Variants in MCUB observed in about 807,000 individuals in gnomAD.
MCUB encodes mitochondrial calcium uniporter dominant negative subunit beta, also known as calcium uniporter regulatory subunit MCUb, mitochondrial.
Under a neutral mutation model 41.4 loss-of-function variants are expected in MCUB, and 46 were observed. The observed-to-expected ratio is 1.11, with a 90% CI of 0.88 to 1.42. The LOEUF (loss-of-function observed/expected upper bound fraction) is 1.42, where lower values mean the gene tolerates loss of function less well. Among genes scored for constraint, MCUB ranks in the 40% most tolerant of loss-of-function variants. MCUB has a pLI of 0.00. For synonymous variants in MCUB, 148 were observed against 148.2 expected, an observed-to-expected ratio of 1.00 and a Z score of 0.01; for missense variants, 403 against 404.9, an observed-to-expected ratio of 1.00 and a Z score of 0.04.
chr4:109,619,951 G>GT (rs1236198552), intron 1 of MCUB, among the ~76,000 whole-genome samples: 2 of 152,080 alleles, frequency 1.3e-5, no homozygotes, highest in African/African-American at 2.4e-5. Context: ...AGGTACCTAC[G>GT]TCACATAGCT....
Position 109,660,319 on chromosome 4 carries a change from A to G in MCUB, c.300A>G (p.Leu100=), listed in dbSNP as rs1729201684. Residue 100 remains leucine, a synonymous_variant, in exon 3 of 8, where the codon CTA becomes CTG. Coordinates refer to ENST00000394650, the MANE Select transcript of MCUB (RefSeq NM_017918.5). ...CAGTTGGTTCATTCCTTCAGGACCT[A>G]CAAAATGAAGATAAGGGTATCAAAA... The part of the protein sequence containing the change: ...LSTVGSFLQD[L]QNEDKGIKTA... The G allele has an allele frequency of 1.2e-6, 2 of 1,609,120 alleles. No individual in the cohort carries two copies. Among genetic ancestry groups the G allele is most frequent in the African/African-American group, 1.3e-5 (1 of 74,946 alleles).
At chr4:109,578,606 C>T (rs1413447442) in intron 1 of MCUB, among the ~76,000 whole-genome samples, 1 of 152,052 alleles carries the variant, frequency 6.6e-6, no homozygotes, top group African/African-American at 2.4e-5. Context: ...CCCAAGCAGT[C>T]CTTCTGCCTC....
At chr4:109,582,550 C>CA (rs900251386) in intron 1 of MCUB, among the ~76,000 whole-genome samples, 117 of 85,388 alleles carry the variant, frequency 1.4e-3, no homozygotes, top group African/African-American at 6.0e-3. Context: ...AAAAAAAAAT[C>CA]ACAGTTTAAC....
intron 1 of MCUB, among the ~76,000 whole-genome samples, chr4:109,594,189 T>TA (rs1336221372): frequency 2.6e-5 from 4 of 152,254 alleles, no homozygotes; most frequent in African/African-American, 9.6e-5. Flanking sequence ...ACAGAGTATT[T>TA]AGCATGGAAT....
intron 1 of MCUB, among the ~76,000 whole-genome samples, chr4:109,597,593 G>T (rs1184882006): frequency 1.5e-5 from 2 of 134,192 alleles, no homozygotes; most frequent in African/African-American, 5.5e-5. Context: ...CCGGGCAGAG[G>T]CGCCCCTCAC....
intron 4 of MCUB, among the ~76,000 whole-genome samples, chr4:109,669,403 A>G (rs1489166021): frequency 2.0e-5 from 3 of 151,914 alleles, no homozygotes; most frequent in African/African-American, 4.8e-5. Flanking sequence ...TTTCTCTGCT[A>G]TAGCTAAGGG....
At chr4:109,638,551 G>A (rs143985225) in intron 1 of MCUB, among the ~76,000 whole-genome samples, 26 of 152,262 alleles carry the variant, frequency 1.7e-4, no homozygotes, top group African/African-American at 6.0e-4. Context: ...TGACTGATCA[G>A]GATGGTGGTT....
chr4:109,624,793 T>C (rs1340634272), intron 1 of MCUB, among the ~76,000 whole-genome samples: 1 of 152,194 alleles, frequency 6.6e-6, no homozygotes, highest in African/African-American at 2.4e-5. Flanking sequence ...TACAGGATGC[T>C]CTTGCTTGCT....
intron 1 of MCUB, among the ~76,000 whole-genome samples, chr4:109,639,944 G>A (rs896694857): frequency 1.3e-5 from 2 of 152,198 alleles, no homozygotes; most frequent in Non-Finnish European, 2.9e-5. Context: ...TGTCACGTGC[G>A]TTTGTATGAA....
chr4:109,678,264 A>G (rs905390657), intron 4 of MCUB, among the ~76,000 whole-genome samples: 5 of 149,960 alleles, frequency 3.3e-5, no homozygotes, highest in African/African-American at 1.2e-4. Context: ...TTTTCCCCAC[A>G]TTTCCCCCTT....
chr4:109,668,111 CTGT>C (rs1346078095), intron 4 of MCUB, among the ~76,000 whole-genome samples: 1 of 152,008 alleles, frequency 6.6e-6, no homozygotes, highest in Admixed American at 6.6e-5. Flanking sequence ...GTGTATTGTG[CTGT>C]TGTTGGATAG....
chr4:109,605,420 C>T (rs959640099), intron 1 of MCUB, among the ~76,000 whole-genome samples: 3 of 152,114 alleles, frequency 2.0e-5, no homozygotes, highest in Admixed American at 1.3e-4. Flanking sequence ...GTTTTCTGAA[C>T]GTTTTAAGAC....
chr4:109,622,160 G>A (rs1205012051), intron 1 of MCUB, among the ~76,000 whole-genome samples: 1 of 152,192 alleles, frequency 6.6e-6, no homozygotes, highest in East Asian at 1.9e-4. Flanking sequence ...GGGATTACAG[G>A]CATGAGCCAC....
intron 1 of MCUB, among the ~76,000 whole-genome samples, chr4:109,640,525 C>A (rs905470047): frequency 6.6e-6 from 1 of 152,240 alleles, no homozygotes; most frequent in Non-Finnish European, 1.5e-5. Context: ...GCTCCAACTT[C>A]TACATCAGTA....
intron 1 of MCUB, among the ~76,000 whole-genome samples, chr4:109,655,332 T>C (rs6834701): frequency 0.7 from 106,991 of 152,066 alleles, 38,312 homozygotes; most frequent in African/African-American, 0.83. Context: ...TGAACCTCAT[T>C]GTTTAGGGAC....
intron 5 of MCUB, 191 bp downstream of exon 5, chr4:109,682,933 T>C (rs1040125601): frequency 3.9e-6 from 2 of 518,346 alleles, no homozygotes; most frequent in Non-Finnish European, 6.9e-6. Flanking sequence ...CAGAGCTGTA[T>C]CGCTAATACA....
rs542369558 is a variant in MCUB at position 109,640,907 on chromosome 4, G to A, written c.100-18104G>A. 3.3e-5 allele frequency among the ~76,000 whole-genome samples: 5 copies of A among 152,244 alleles called. No individual in the cohort carries two copies. The South Asian group carries it at 6.2e-4, about 19-fold the overall frequency. On this transcript the variant is annotated intron_variant, in intron 1 of 7. Coordinates refer to ENST00000394650, the MANE Select transcript of MCUB (RefSeq NM_017918.5). ...CTTTCAGTCTACCTCAGCTTTTGAC[G>A]TGCCTTCCTCACTAAGCTTAATTAT...
In MCUB at chr4:109,598,214, A is replaced by G. The variant is rs985693970; in HGVS notation, c.99+37778A>G. ...GGGTGGCGGCCGGGCAGAGGATGCA[A>G]TCTCGGCACTTTGGGAGGCCAAGGC... On this transcript the variant is annotated intron_variant, in intron 1 of 7. Coordinates refer to ENST00000394650, the MANE Select transcript of MCUB (RefSeq NM_017918.5). 5.7e-4 allele frequency among the ~76,000 whole-genome samples: 86 copies of G among 150,460 alleles called. 3 individuals carry two copies. The South Asian group carries it at 0.018, about 31-fold the overall frequency.
intron 1 of MCUB, chr4:109,561,166 C>T (rs1466300309): frequency 6.6e-6 from 1 of 152,422 alleles, no homozygotes. Context: ...TGACAGGAGC[C>T]CGGGAGTGCA....
Sources: allele counts gnomAD v4.1 joint callset (sites outside exome capture counted in the v4.1 genomes callset), GRCh38; gene constraint gnomAD v4.1.1; transcripts MANE v1.5; gene names NCBI Gene and HGNC (gene_info 2026-07-23, HGNC 2026-07-21).